Variants in IGSF9 observed in about 807,000 individuals in gnomAD.
IGSF9 encodes immunoglobulin superfamily member 9.
IGSF9 carries 87 observed loss-of-function variants against 121.7 expected under a neutral mutation model. The observed-to-expected ratio is 0.71, with a 90% CI of 0.60 to 0.85. The LOEUF is 0.85. Ranked by LOEUF, IGSF9 falls within the 40% of genes least tolerant of loss-of-function variation. The probability of loss-of-function intolerance (pLI) is 0.00; values close to 1 mark genes in which losing one functional copy is unlikely to be tolerated. For synonymous variants in IGSF9, 640 were observed against 648.4 expected (o/e 0.99, Z 0.20); for missense variants, 1,462 against 1,565.3 (o/e 0.93, Z 1.11).
rs375522989 is a variant in IGSF9, at chr1:159,927,386, G to A, written c.3499C>T (p.Arg1167Ter). 5.6e-6 allele frequency: 9 copies of A among 1,613,652 alleles called. No individual in the cohort carries two copies. Among genetic ancestry groups the A allele is most frequent in the South Asian group, 3.3e-5 (3 of 91,074 alleles). ...DATRARLPAYRQPVPHPEQAT... is the reference protein window; with the variant it reads ...DATRARLPAY ...TGTTCGGGGTGGGGGACTGGCTGTC[G>A]ATAGGCTGGTAGCCGAGCCCTAGTA... The change falls in exon 21 of 21, where the codon CGA becomes TGA. Residue 1167 changes from arginine (R) to a stop codon, truncating the protein, a stop_gained. Coordinates refer to ENST00000368094, the MANE Select transcript of IGSF9 (RefSeq NM_001135050.2). LOFTEE classifies it high-confidence loss of function.
chr1:159,928,962 G>A lies in IGSF9; in HGVS notation c.2426C>T (p.Ser809Phe), dbSNP rs778113173. Residue 809 changes from serine to phenylalanine, a missense_variant, in exon 19 of 21, where the codon TCC becomes TTC. Coordinates refer to ENST00000368094, the MANE Select transcript of IGSF9 (RefSeq NM_001135050.2). ...ACTCTGGCGCAGGCTGGGGACTGGG[G>A]ATCCCTGGAGCTTCAGCTTCGCCAC... is the stretch of plus-strand genomic sequence containing the variant. ...DSVAKLKLQG[S>F]PVPSLRQSLL... 2 of 1,524,502 alleles carry A rather than the reference G, an allele frequency of 1.3e-6. No individual in the cohort carries two copies. The highest frequency in any genetic ancestry group is 1.8e-6 in the Non-Finnish European group (2 of 1,138,648). 94.4% of individuals were successfully genotyped at this position (1,524,502 alleles called of 1,614,324 possible).
Position 159,931,041 on chromosome 1 carries a change from G to A in IGSF9, c.1637+97C>T. The A allele has an allele frequency of 6.4e-7, 1 of 1,557,812 alleles. No homozygotes were observed. Among genetic ancestry groups the A allele is most frequent in the Non-Finnish European group, 8.8e-7 (1 of 1,139,874 alleles). On this transcript the variant is annotated intron_variant, in intron 13 of 20. Coordinates refer to ENST00000368094, the MANE Select transcript of IGSF9 (RefSeq NM_001135050.2). This position sits in a 1 kb window ranked among gnomAD's most constrained non-coding sequence, Gnocchi z 4.8. ...GCAGAGCCAGGACTGGTGAGGGATA[G>A]AGGGACAGAAGAAAGGGCAGAAGGC...
At chr1:159,937,589 G>T in intron 4 of IGSF9, 97 bp downstream of exon 4, 1 of 1,389,944 alleles carries the variant, frequency 7.2e-7, no homozygotes, top group Non-Finnish European at 1.0e-6. Context: ...TTTGTGGGAT[G>T]GAAATAGAAC....
At chr1:159,929,860 C>T (rs373347880) in intron 16 of IGSF9, 31 bp downstream of exon 16, 4 of 1,584,362 alleles carry the variant, frequency 2.5e-6, no homozygotes. Context: ...CGGAGCAGCC[C>T]TGGGGCTCCT....
intron 1 of IGSF9, among the ~76,000 whole-genome samples, chr1:159,944,349 C>G (rs74465663): frequency 1.3e-5 from 2 of 152,152 alleles, no homozygotes; most frequent in Non-Finnish European, 2.9e-5. Context: ...CTGCCTCCCC[C>G]ACCTGCCAGT....
In IGSF9 at chr1:159,931,863, G is replaced by A. The variant is rs1366041616; in HGVS notation, c.1311C>T (p.Leu437=). 6.3e-7 allele frequency: 1 copy of A among 1,597,228 alleles called. No homozygotes were observed. The highest frequency in any genetic ancestry group is 8.5e-7 in the Non-Finnish European group (1 of 1,174,492). Residue 437 remains leucine (L), a synonymous_variant, in exon 11 of 21, where the codon CTC becomes CTT. Coordinates refer to ENST00000368094, the MANE Select transcript of IGSF9 (RefSeq NM_001135050.2). The surrounding 1 kb of genome is among the most constrained non-coding windows in gnomAD (Gnocchi z 4.8). ...GGTCCCCTTGGGCGGAGCAGGGGATGAGCAGCTCCCGCCCTACTTCTTGGA... is the reference window on the plus strand; with the variant it reads ...GGTCCCCTTGGGCGGAGCAGGGGATAAGCAGCTCCCGCCCTACTTCTTGGA... ...EYFQEVGREL[L]IPCSAQGDPP...
chr1:159,942,180 G>A (rs551317223), intron 3 of IGSF9, among the ~76,000 whole-genome samples: 6 of 152,338 alleles, frequency 3.9e-5, no homozygotes, highest in South Asian at 2.1e-4. Flanking sequence ...GCACTAAACC[G>A]CTTAGATTAA....
chr1:159,932,041 C>G lies in IGSF9; in HGVS notation c.1246-113G>C. On this transcript the variant is annotated intron_variant, in intron 10 of 20. Transcript: ENST00000368094. The surrounding 1 kb of genome is among the most constrained non-coding windows in gnomAD (Gnocchi z 4.1). ...TCTCACCTCACTCTCCCTCACTCCC[C>G]CTAGCTAAACACTCACCAAGCCTGT... 1.5e-6 allele frequency: 1 copy of G among 673,948 alleles called. No individual in the cohort carries two copies. Among genetic ancestry groups the G allele is most frequent in the East Asian group, 2.6e-5 (1 of 38,338 alleles). The allele number at this position is 673,948 out of a possible 1,614,324, so 41.7% of individuals were successfully genotyped here.
In IGSF9 at chr1:159,934,432, A is replaced by G; in HGVS notation, c.954T>C (p.Thr318=). Residue 318 remains threonine (T), a synonymous_variant, in exon 8 of 21, where the codon ACT becomes ACC. Coordinates refer to ENST00000368094, the MANE Select transcript of IGSF9 (RefSeq NM_001135050.2). ...AGCTGGGGTCAGGCTTACAGAGCAC[A>G]GTGAGGTAGGCAGAGGCTGAGGGTG... ...LHPPSASAYL[T]VLYPAQVTAM... 1.3e-6 allele frequency: 2 copies of G among 1,583,130 alleles called. No individual in the cohort carries two copies. Among genetic ancestry groups the G allele is most frequent in the Non-Finnish European group, 8.6e-7 (1 of 1,164,430 alleles).
At chr1:159,945,017 C>A (rs114920314) in intron 1 of IGSF9, among the ~76,000 whole-genome samples, 2,562 of 152,100 alleles carry the variant, frequency 0.017, 30 homozygotes, top group Non-Finnish European at 0.024. Context: ...CCAACTCCCC[C>A]GGCCTCCACT....
At position 159,928,339 on chromosome 1, in the gene IGSF9, G is replaced by T; in HGVS notation, c.3049C>A (p.Pro1017Thr). ...CTCTGGCTGGTGAGGCTGCCTCGAGGGGCAGCAGGGAGAAGGCCTGGCAGC... is the reference window on the plus strand; with the variant it reads ...CTCTGGCTGGTGAGGCTGCCTCGAGTGGCAGCAGGGAGAAGGCCTGGCAGC... ...RLLPGLLPAAPRGSLTSQSSG... is the reference protein window; with the variant it reads ...RLLPGLLPAATRGSLTSQSSG... The change falls in exon 19 of 21, where the codon CCT (proline) becomes ACT (threonine). Residue 1017 changes from proline (P) to threonine (T), a missense_variant. By Grantham distance (38) the Pro-to-Thr change is conservative. Transcript: ENST00000368094. The T allele has an allele frequency of 6.2e-7, 1 of 1,609,738 alleles. No homozygotes were observed. The highest frequency in any genetic ancestry group is 8.5e-7 in the Non-Finnish European group (1 of 1,178,154).
rs746448084 is a variant in IGSF9 at position 159,936,515 on chromosome 1, A to C, written c.557T>G (p.Val186Gly). Residue 186 changes from valine (V) to glycine (G), a missense_variant and splice_region_variant, in exon 6 of 21, where the codon GTG (valine) becomes GGG (glycine). Physicochemically the swap from Val to Gly is moderately radical, Grantham distance 109 (BLOSUM62 -3). Around this residue, in one of 3 missense-constraint regions of IGSF9, gnomAD observed 558 missense variants for 599.4 expected, o/e 0.93. Transcript: ENST00000368094. ...DLGQGQGQVQVQNGTLRIRRV... is the reference protein window; with the variant it reads ...DLGQGQGQVQGQNGTLRIRRV... ...GCGGATCCGCAGCGTCCCGTTCTGC[A>C]CCTAGGGAAGGAGTGGGTGAGGAAG... 1 of 1,613,726 alleles carries C rather than the reference A, an allele frequency of 6.2e-7. No individual in the cohort carries two copies. Among genetic ancestry groups the C allele is most frequent in the Non-Finnish European group, 8.5e-7 (1 of 1,179,824 alleles).
Position 159,927,941 on chromosome 1 carries a change from T to C in IGSF9, c.3231-54A>G, listed in dbSNP as rs1650802527. 5.1e-6 allele frequency: 8 copies of C among 1,580,964 alleles called. No individual in the cohort carries two copies. In the Admixed American group the frequency reaches 1.5e-4, roughly 29 times the overall value. ...ATGGTGTGGGTGGAGGAATAGAGGC[T>C]GTTCAGAAAAGTCTGAATTCAGCGA... On this transcript the variant is annotated intron_variant, in intron 19 of 20. Coordinates refer to ENST00000368094, the MANE Select transcript of IGSF9 (RefSeq NM_001135050.2).
chr1:159,941,651 C>T (rs1272804310), intron 3 of IGSF9, among the ~76,000 whole-genome samples: 1 of 152,216 alleles, frequency 6.6e-6, no homozygotes, highest in Non-Finnish European at 1.5e-5. Flanking sequence ...GGTGGAGTCC[C>T]AGGAAAAGCC....
At chr1:159,930,590 A>G in intron 14 of IGSF9, 102 bp downstream of exon 14, 1 of 1,556,224 alleles carries the variant, frequency 6.4e-7, no homozygotes, top group South Asian at 1.2e-5. Context: ...CAAGCTGGCC[A>G]GCACCTCTGC....
At chr1:159,934,038 C>T (rs1335884071) in intron 9 of IGSF9, 152 bp downstream of exon 9, 6 of 925,922 alleles carry the variant, frequency 6.5e-6, no homozygotes, top group African/African-American at 1.7e-5. Context: ...TAAGTAGTTT[C>T]CTATGCAACA....
chr1:159,935,148 T>A (rs1651140347), intron 6 of IGSF9, among the ~76,000 whole-genome samples: 2 of 152,280 alleles, frequency 1.3e-5, no homozygotes, highest in Non-Finnish European at 1.5e-5. Context: ...TTGTCACCTC[T>A]TGAATTACTT....
chr1:159,933,969 T>C (rs1571215591), intron 9 of IGSF9: 1 of 578,412 alleles, frequency 1.7e-6, no homozygotes, highest in African/African-American at 1.9e-5. Flanking sequence ...CTCTCTTCTT[T>C]CCCCAAAGAA....
At chr1:159,941,154 T>C (rs1178274113) in intron 3 of IGSF9, among the ~76,000 whole-genome samples, 2 of 152,202 alleles carry the variant, frequency 1.3e-5, no homozygotes, top group Non-Finnish European at 2.9e-5. Context: ...TTCTGTGTGG[T>C]CCCTAATCCA....
Sources: gnomAD v4.1 joint callset for allele counts (sites outside exome capture counted in the v4.1 genomes callset) on GRCh38, gnomAD v4.1.1 for gene constraint, gnomAD v4.1.1 regional missense constraint, Gnocchi (gnomAD v3.1) non-coding constraint, MANE v1.5 for transcripts, NCBI Gene and HGNC (gene_info 2026-07-23, HGNC 2026-07-21) for gene names.